GPC3: variants seen among roughly 807,000 people sequenced by gnomAD.
GPC3 encodes the protein glypican 3, also known as glypican-3.
A neutral mutation model predicts 34.4 loss-of-function variants in GPC3; 3 were observed. The ratio of observed to expected loss-of-function variants is 0.09; its 90% confidence interval spans 0.04 to 0.23. The LOEUF (loss-of-function observed/expected upper bound fraction) is 0.23. GPC3 is among the 10% of genes least tolerant of loss of function. The pLI is 1.00. For synonymous variants in GPC3, 177 were observed against 174.0 expected, an observed-to-expected ratio of 1.02 and a Z score of -0.13; for missense variants, 351 against 445.6, an observed-to-expected ratio of 0.79 and a Z score of 1.91.
At chrX:133,841,987 C>T (rs751470730) in intron 2 of GPC3, among the ~76,000 whole-genome samples, 10 of 112,398 alleles carry the variant, frequency 8.9e-5, no homozygotes, top group Non-Finnish European at 1.7e-4. Flanking sequence ...TGCAGACAGC[C>T]TATTGTGGGA....
intron 6 of GPC3, among the ~76,000 whole-genome samples, chrX:133,655,974 T>C (rs1205450073): frequency 8.9e-6 from 1 of 112,235 alleles, no homozygotes; most frequent in East Asian, 2.8e-4. Flanking sequence ...AATTTTCTGG[T>C]GTTTACAGAG....
chrX:133,978,942 T>A (rs1411540435), intron 1 of GPC3, among the ~76,000 whole-genome samples: 2 of 112,398 alleles, frequency 1.8e-5, no homozygotes, highest in Non-Finnish European at 3.8e-5. Context: ...AAAGGCCATG[T>A]AAAATTTTAC....
intron 2 of GPC3, among the ~76,000 whole-genome samples, chrX:133,855,766 C>A (rs183788187): frequency 1.2e-3 from 131 of 110,595 alleles, no homozygotes; most frequent in African/African-American, 4.1e-3. Context: ...TACATCTCCC[C>A]ATTTTCTCCC....
At chrX:133,727,760 C>T (rs943842031) in intron 3 of GPC3, among the ~76,000 whole-genome samples, 17 of 111,648 alleles carry the variant, frequency 1.5e-4, no homozygotes, top group African/African-American at 5.5e-4. Context: ...AGCCTGGGTT[C>T]CAATGTTTCT....
chrX:133,835,504 T>C (rs1007745897), intron 2 of GPC3, among the ~76,000 whole-genome samples: 9 of 111,995 alleles, frequency 8.0e-5, no homozygotes, highest in Non-Finnish European at 1.3e-4. Flanking sequence ...AATCCCAAAA[T>C]TGCATAAAAA....
At chrX:133,678,858 C>A (rs1266407822) in intron 5 of GPC3, among the ~76,000 whole-genome samples, 3 of 112,133 alleles carry the variant, frequency 2.7e-5, no homozygotes, top group Non-Finnish European at 5.6e-5. Flanking sequence ...AGCAGGATAG[C>A]CACACAGCAA....
chrX:133,807,993 G>A (rs2075645067), intron 2 of GPC3, among the ~76,000 whole-genome samples: 1 of 112,232 alleles, frequency 8.9e-6, no homozygotes. Flanking sequence ...CTGTTCCAGT[G>A]CAGTGTCATC....
At chrX:133,646,526 C>T (rs771083310) in intron 6 of GPC3, among the ~76,000 whole-genome samples, 1 of 111,643 alleles carries the variant, frequency 9.0e-6, no homozygotes, top group Non-Finnish European at 1.9e-5. Flanking sequence ...TATCTATACT[C>T]GAGGCATGAA....
intron 2 of GPC3, among the ~76,000 whole-genome samples, chrX:133,857,281 A>C (rs2075908082): frequency 8.9e-6 from 1 of 112,362 alleles, no homozygotes; most frequent in Non-Finnish European, 1.9e-5. Flanking sequence ...ATTATTAATG[A>C]ATCATGAACT....
At chrX:133,824,702 C>G (rs1244128478) in intron 2 of GPC3, among the ~76,000 whole-genome samples, 1 of 110,620 alleles carries the variant, frequency 9.0e-6, no homozygotes, top group African/African-American at 3.3e-5. Flanking sequence ...AAATTGTACC[C>G]CATAAATATG....
At chrX:133,881,977 G>A (rs746723902) in intron 2 of GPC3, among the ~76,000 whole-genome samples, 2 of 112,644 alleles carry the variant, frequency 1.8e-5, no homozygotes, top group African/African-American at 3.2e-5. Flanking sequence ...GGCCCTTCGC[G>A]CCGTGCCTCC....
intron 2 of GPC3, among the ~76,000 whole-genome samples, chrX:133,785,211 G>C (rs1355892083): frequency 9.0e-6 from 1 of 111,204 alleles, no homozygotes; most frequent in African/African-American, 3.3e-5. Context: ...TTGGGGAAGT[G>C]GGGGGTCTTC....
intron 3 of GPC3, among the ~76,000 whole-genome samples, chrX:133,737,562 G>A (rs1485021835): frequency 9.0e-6 from 1 of 111,665 alleles, no homozygotes; most frequent in East Asian, 2.8e-4. Flanking sequence ...AAAAAGAAGG[G>A]CAAAAACATA....
chrX:133,933,466 G>A (rs2076307484), intron 2 of GPC3, among the ~76,000 whole-genome samples: 1 of 110,999 alleles, frequency 9.0e-6, no homozygotes, highest in African/African-American at 3.3e-5. Flanking sequence ...TGCAATCTAA[G>A]TATTCTAAGA....
At chrX:133,984,573 G>C (rs1029038915) in intron 1 of GPC3, among the ~76,000 whole-genome samples, 5 of 111,791 alleles carry the variant, frequency 4.5e-5, no homozygotes, top group African/African-American at 1.6e-4. Context: ...AATTTGGGAG[G>C]GGGAGGAGTT....
chrX:133,655,391 C>T (rs2070646326), intron 6 of GPC3, among the ~76,000 whole-genome samples: 1 of 109,918 alleles, frequency 9.1e-6, no homozygotes, highest in Admixed American at 9.8e-5. Flanking sequence ...TATTTAAGGA[C>T]TAACTCACAT....
intron 2 of GPC3, among the ~76,000 whole-genome samples, chrX:133,944,254 A>T (rs2076357958): frequency 9.0e-6 from 1 of 111,728 alleles, no homozygotes; most frequent in Non-Finnish European, 1.9e-5. Context: ...TACTCCTGTA[A>T]CCACTGCAAC....
intron 6 of GPC3, among the ~76,000 whole-genome samples, chrX:133,621,163 A>G (rs901897945): frequency 6.4e-5 from 7 of 110,171 alleles, no homozygotes; most frequent in Non-Finnish European, 1.3e-4. Context: ...AAGCACTGGG[A>G]AAAAAAAAGA....
intron 2 of GPC3, among the ~76,000 whole-genome samples, chrX:133,928,940 T>C (rs1291111979): frequency 1.8e-5 from 2 of 112,132 alleles, no homozygotes; most frequent in Non-Finnish European, 3.8e-5. Context: ...AGAAGCTTTT[T>C]AGTTTGATGT....
Sources: allele counts gnomAD v4.1 joint callset (sites outside exome capture counted in the v4.1 genomes callset), GRCh38; gene constraint gnomAD v4.1.1; transcripts MANE v1.5; gene names NCBI Gene and HGNC (gene_info 2026-07-23, HGNC 2026-07-21).